MYO16: variants seen among roughly 807,000 people sequenced by gnomAD.
MYO16 encodes the protein unconventional myosin-XVI.
A neutral mutation model predicts 205.3 loss-of-function variants in MYO16; 94 were observed. The observed-to-expected ratio is 0.46, with a 90% CI of 0.39 to 0.54. The LOEUF is 0.54. MYO16 is among the 20% of genes least tolerant of loss of function. The pLI, the probability that MYO16 is intolerant of heterozygous loss-of-function variation, is 0.00. For missense variants in MYO16, 2,315 were observed against 2,387.5 expected, an observed-to-expected ratio of 0.97 and a Z score of 0.63; for synonymous variants, 988 against 954.0, an observed-to-expected ratio of 1.04 and a Z score of -0.66.
At chr13:108,713,068 A>T (rs7320709) in intron 3 of MYO16, among the ~76,000 whole-genome samples, 37,211 of 152,024 alleles carry the variant, frequency 0.24, 4,702 homozygotes, top group Middle Eastern at 0.41. Flanking sequence ...ATTTTACTAT[A>T]CTTTGCTCGT....
At chr13:108,786,349 G>C (rs1886456387) in intron 5 of MYO16, among the ~76,000 whole-genome samples, 1 of 152,184 alleles carries the variant, frequency 6.6e-6, no homozygotes, top group African/African-American at 2.4e-5. Flanking sequence ...TCATCAGTAA[G>C]TGCAGCCTTG....
In MYO16 at chr13:108,924,224, G is replaced by C. The variant is rs138496050; in HGVS notation, c.1925+14074G>C. 6.3e-3 allele frequency among the ~76,000 whole-genome samples: 967 copies of C among 152,326 alleles called. 5 individuals carry two copies. The highest frequency in any genetic ancestry group is 0.011 in the Non-Finnish European group (758 of 68,032). ...GTGCAAAGTGTCACGAGATATTGTA[G>C]CCATGTAAATAGTGATGTGATGCAG... On this transcript the variant is annotated intron_variant, in intron 16 of 34. Coordinates refer to ENST00000457511, the MANE Select transcript of MYO16 (RefSeq NM_001198950.3).
chr13:108,881,898 C>T (rs138042065), intron 12 of MYO16, among the ~76,000 whole-genome samples: 29 of 152,230 alleles, frequency 1.9e-4, no homozygotes, highest in Middle Eastern at 6.8e-3. Flanking sequence ...GAGAACTTCC[C>T]CAACATAGCG....
chr13:108,628,181 T>A (rs1338585350), upstream of MYO16, among the ~76,000 whole-genome samples: 1 of 152,186 alleles, frequency 6.6e-6, no homozygotes, highest in East Asian at 1.9e-4. Context: ...GTTTTAGACA[T>A]ATTTTATTCC....
At chr13:109,036,443 A>G (rs1405601885) in intron 23 of MYO16, among the ~76,000 whole-genome samples, 1 of 152,180 alleles carries the variant, frequency 6.6e-6, no homozygotes, top group Admixed American at 6.5e-5. Context: ...TATAGATGAC[A>G]TAATTTATCT....
intron 1 of MYO16, among the ~76,000 whole-genome samples, chr13:108,636,364 TTTTTTTGTGTGTGTGTGTGTG>T (rs1350542963): frequency 3.6e-5 from 3 of 83,080 alleles, no homozygotes; most frequent in East Asian, 2.9e-4. Flanking sequence ...TTTTTTTTTT[TTTTTTTGTGTGTGTGTGTGTG>T]TGTGTGTGTG....
intron 16 of MYO16, among the ~76,000 whole-genome samples, chr13:108,953,931 G>A (rs1341797217): frequency 6.6e-6 from 1 of 152,136 alleles, no homozygotes; most frequent in Non-Finnish European, 1.5e-5. Flanking sequence ...CCAAGCTGAA[G>A]CCATCTTTCC....
chr13:108,886,723 C>G (rs761493514), intron 13 of MYO16, among the ~76,000 whole-genome samples: 17 of 152,038 alleles, frequency 1.1e-4, no homozygotes, highest in Non-Finnish European at 2.4e-4. Flanking sequence ...TGTGCAAGTT[C>G]CCTTATCGGC....
At chr13:108,501,282 G>A in the MYO16 span, among the ~76,000 whole-genome samples, 2 of 152,142 alleles carry the variant, frequency 1.3e-5, no homozygotes, top group East Asian at 1.9e-4. Context: ...AGCTTCCCTA[G>A]AGGCAAGAGT....
At chr13:109,180,208 TAACA>T (rs2139917210) in intron 34 of MYO16, among the ~76,000 whole-genome samples, 1 of 152,298 alleles carries the variant, frequency 6.6e-6, no homozygotes, top group East Asian at 1.9e-4. Flanking sequence ...TGTCTCTTCC[TAACA>T]ATTTCACCAA....
Position 109,141,416 on chromosome 13 carries a change from C to T in MYO16, c.5164+40C>T. The T allele has an allele frequency of 1.5e-6, 2 of 1,318,718 alleles. No homozygotes were observed. The highest frequency in any genetic ancestry group is 1.0e-6 in the Non-Finnish European group (1 of 994,142). 81.7% of individuals were successfully genotyped at this position (1,318,718 alleles called of 1,614,324 possible). ...CATCCCCCCACTCCTTTTGCATGGA[C>T]GCTGTGCTTGCGTGCACCTGTGTAC... On this transcript the variant is annotated intron_variant, in intron 32 of 34. Transcript: ENST00000457511. The surrounding 1 kb of genome is among the most constrained non-coding windows in gnomAD (Gnocchi z 4.1).
intron 32 of MYO16, among the ~76,000 whole-genome samples, chr13:109,147,076 C>G (rs1452857430): frequency 6.6e-6 from 1 of 151,798 alleles, no homozygotes; most frequent in African/African-American, 2.4e-5. Context: ...TCATTTTTCA[C>G]GACACAAACA....
intron 20 of MYO16, among the ~76,000 whole-genome samples, chr13:108,986,007 T>C (rs913053524): frequency 1.8e-4 from 27 of 152,134 alleles, no homozygotes; most frequent in Non-Finnish European, 3.1e-4. Context: ...CTCACAATCA[T>C]GGCAGAAGGC....
intron 4 of MYO16, among the ~76,000 whole-genome samples, chr13:108,728,401 G>A (rs1257642420): frequency 2.6e-5 from 4 of 151,150 alleles, no homozygotes; most frequent in Non-Finnish European, 1.5e-5. Flanking sequence ...TCACTGAGCC[G>A]TGCTACCAAT....
intron 28 of MYO16, among the ~76,000 whole-genome samples, chr13:109,110,504 A>AG (rs1889252255): frequency 6.6e-6 from 1 of 152,232 alleles, no homozygotes; most frequent in Non-Finnish European, 1.5e-5. Context: ...AAATACCAGA[A>AG]GATACAGTGC....
intron 28 of MYO16, among the ~76,000 whole-genome samples, chr13:109,114,241 G>A (rs963476791): frequency 2.6e-5 from 4 of 152,284 alleles, no homozygotes; most frequent in African/African-American, 7.2e-5. Flanking sequence ...CACCGTCACC[G>A]ACATCATTTA....
At chr13:108,519,626 TACACACACACACACAC>T in the MYO16 span, among the ~76,000 whole-genome samples, 1 of 108,434 alleles carries the variant, frequency 9.2e-6, no homozygotes, top group Admixed American at 8.9e-5. Context: ...ATATGCAAAA[TACACACACACACACAC>T]ACACACCCAC....
At position 108,866,180 on chromosome 13, in the gene MYO16, T is replaced by G; in HGVS notation, c.1363T>G (p.Phe455Val). ...GTTTGCATCCCTTTTTTCACAGACA[T>G]TCATTGGAGACATTCTTTTGCTTGT... Reference protein sequence around the residue: ...KRFGNNQIYTFIGDILLLVNP... With the variant: ...KRFGNNQIYTVIGDILLLVNP... Residue 455 changes from phenylalanine (F) to valine (V), a missense_variant, in exon 12 of 35, where the codon TTC becomes GTC. Around this residue, in one of 3 missense-constraint regions of MYO16, gnomAD observed 1,213 missense variants for 1,274.4 expected, o/e 0.95. Transcript: ENST00000457511. 4 of 1,601,264 alleles carry G rather than the reference T, an allele frequency of 2.5e-6. No homozygotes were observed. The highest frequency in any genetic ancestry group is 3.4e-6 in the Non-Finnish European group (4 of 1,172,192).
At chr13:108,667,389 A>G (rs1464891731) in intron 2 of MYO16, among the ~76,000 whole-genome samples, 1 of 150,924 alleles carries the variant, frequency 6.6e-6, no homozygotes, top group Non-Finnish European at 1.5e-5. Context: ...AAAGTACCTA[A>G]AAACATTTGG....
Sources: gnomAD v4.1 joint callset for allele counts (sites outside exome capture counted in the v4.1 genomes callset) on GRCh38, gnomAD v4.1.1 for gene constraint, gnomAD v4.1.1 regional missense constraint, Gnocchi (gnomAD v3.1) non-coding constraint, MANE v1.5 for transcripts, NCBI Gene and HGNC (gene_info 2026-07-23, HGNC 2026-07-21) for gene names.